The following NRXN3 variants were observed in gnomAD, a reference collection of about 807,000 sequenced individuals.
The protein encoded by NRXN3 is neurexin 3, also known as neurexin III.
NRXN3 carries 32 observed loss-of-function variants against 137.6 expected under a neutral mutation model. The observed-to-expected ratio is 0.23, with a 90% CI of 0.18 to 0.31. The LOEUF is 0.31. Ranked by LOEUF, NRXN3 falls within the 10% of genes least tolerant of loss-of-function variation. The probability of loss-of-function intolerance (pLI) is 1.00; values close to 1 mark genes in which losing one functional copy is unlikely to be tolerated. For synonymous variants in NRXN3, 798 were observed against 784.5 expected (o/e 1.02, Z -0.29); for missense variants, 1,574 against 2,062.5 (o/e 0.76, Z 4.59).
intron 4 of NRXN3, among the ~76,000 whole-genome samples, chr14:78,508,548 G>GT (rs1414763835): frequency 6.6e-6 from 1 of 152,100 alleles, no homozygotes; most frequent in Non-Finnish European, 1.5e-5. Flanking sequence ...ATGCTAGAAA[G>GT]TAAGTAAAGA....
intron 15 of NRXN3, among the ~76,000 whole-genome samples, chr14:79,007,095 C>T (rs961280278): frequency 3.3e-5 from 5 of 152,142 alleles, no homozygotes; most frequent in Admixed American, 6.6e-5. Flanking sequence ...AACACACTCA[C>T]GTAACAGAAG....
intron 15 of NRXN3, among the ~76,000 whole-genome samples, chr14:79,413,374 G>C (rs1371984750): frequency 1.3e-5 from 2 of 152,126 alleles, no homozygotes; most frequent in African/African-American, 4.8e-5. Flanking sequence ...CTGTTTGGTT[G>C]TATTCTTTAT....
At chr14:78,759,978 C>T (rs1417013136) in intron 8 of NRXN3, among the ~76,000 whole-genome samples, 3 of 149,776 alleles carry the variant, frequency 2.0e-5, no homozygotes, top group Admixed American at 6.6e-5. Flanking sequence ...AGTTAAGTAG[C>T]TTGTGCAAAA....
chr14:78,632,947 A>G (rs909581671), intron 4 of NRXN3, among the ~76,000 whole-genome samples: 2 of 152,062 alleles, frequency 1.3e-5, no homozygotes, highest in Non-Finnish European at 2.9e-5. Context: ...AAAGACTGGT[A>G]ATAGTCGGCT....
chr14:79,527,883 A>G (rs901760286), intron 16 of NRXN3, among the ~76,000 whole-genome samples: 7 of 150,608 alleles, frequency 4.6e-5, no homozygotes, highest in Admixed American at 2.0e-4. Flanking sequence ...AAAAAAAAAA[A>G]AAAAAAAGAA....
chr14:79,281,860 C>T (rs560264312), intron 15 of NRXN3: 3 of 152,386 alleles, frequency 2.0e-5, no homozygotes, highest in Non-Finnish European at 4.4e-5. Flanking sequence ...GTTGATTCTT[C>T]CTGCTGCCTC....
At chr14:78,455,348 G>A (rs1415020495) in intron 4 of NRXN3, among the ~76,000 whole-genome samples, 1 of 152,184 alleles carries the variant, frequency 6.6e-6, no homozygotes, top group Non-Finnish European at 1.5e-5. Flanking sequence ...GGAGAGGGAG[G>A]AGAAGACTCA....
At chr14:79,333,686 C>A (rs1271140180) in intron 15 of NRXN3, among the ~76,000 whole-genome samples, 1 of 152,148 alleles carries the variant, frequency 6.6e-6, no homozygotes, top group African/African-American at 2.4e-5. Flanking sequence ...TTTTGTTCAA[C>A]TTTTGCTTCT....
chr14:79,486,765 C>T (rs1359041711), intron 16 of NRXN3, among the ~76,000 whole-genome samples: 1 of 152,150 alleles, frequency 6.6e-6, no homozygotes, highest in Non-Finnish European at 1.5e-5. Flanking sequence ...TAGCTGGAAT[C>T]TCAGGAAAAT....
intron 15 of NRXN3, among the ~76,000 whole-genome samples, chr14:79,213,625 T>G (rs565698679): frequency 0.018 from 2,525 of 138,116 alleles, 73 homozygotes; most frequent in African/African-American, 0.061. Context: ...CCTTTTTTTT[T>G]GGGGGGGGGT....
rs1339605392 is a variant in NRXN3 at position 78,606,548 on chromosome 14, G to A, written c.758-38572G>A. ...ACATTGTATTTAAATAAACACTTAC[G>A]GTCTCTCCCGCTAGGCTGTGAACTT... On this transcript the variant is annotated intron_variant, in intron 4 of 20. Transcript: ENST00000335750. Among the ~76,000 whole-genome samples the A allele has an allele frequency of 2.0e-5, 3 of 152,132 alleles. No homozygotes were observed. The East Asian group carries it at 5.8e-4, about 29-fold the overall frequency.
rs574119107 is a variant in NRXN3, at chr14:78,532,096, G to T, written c.758-113024G>T. 2.0e-5 allele frequency among the ~76,000 whole-genome samples: 3 copies of T among 147,626 alleles called. No homozygotes were observed. In the East Asian group the frequency reaches 6.0e-4, roughly 29 times the overall value. On this transcript the variant is annotated intron_variant, in intron 4 of 20. Coordinates refer to ENST00000335750, the MANE Select transcript of NRXN3 (RefSeq NM_001330195.2). ...GAGGTAGGTGGATCACCTGAGGTTG[G>T]AAGTTCAAGACTAGCCTGACCAACA...
In NRXN3 at chr14:78,383,647, T is replaced by G. The variant is rs2089503444; in HGVS notation, c.757+85787T>G. ...TAAAACTGCATAAGATACATGAACTTAAGCGTCTTTAGTTTTTTTGAGTTC... is the reference window on the plus strand; with the variant it reads ...TAAAACTGCATAAGATACATGAACTGAAGCGTCTTTAGTTTTTTTGAGTTC... On this transcript the variant is annotated intron_variant, in intron 4 of 20. Coordinates refer to ENST00000335750, the MANE Select transcript of NRXN3 (RefSeq NM_001330195.2). Among the ~76,000 whole-genome samples the G allele has an allele frequency of 2.0e-5, 3 of 152,324 alleles. No individual in the cohort carries two copies. In the South Asian group the frequency reaches 6.2e-4, roughly 32 times the overall value.
chr14:79,622,886 G>A (rs1052875933), intron 16 of NRXN3, among the ~76,000 whole-genome samples: 9 of 152,134 alleles, frequency 5.9e-5, no homozygotes, highest in Non-Finnish European at 7.4e-5. Flanking sequence ...GTGAGCCACC[G>A]CACCCGGCCT....
rs539917523 is a variant in NRXN3 at position 79,185,627 on chromosome 14, G to A, written c.3262+197486G>A. Among the ~76,000 whole-genome samples the A allele has an allele frequency of 1.1e-4, 16 of 151,920 alleles. No individual in the cohort carries two copies. In the East Asian group the frequency reaches 1.7e-3, roughly 17 times the overall value. On this transcript the variant is annotated intron_variant, in intron 15 of 20. Coordinates refer to ENST00000335750, the MANE Select transcript of NRXN3 (RefSeq NM_001330195.2). The stretch of plus-strand genomic sequence containing the variant: ...ACTACAGGCGCCCGCCACCACGCCC[G>A]GCTAATTTTTTGTATTTTTAGTAGA...
rs147275177 is a variant in NRXN3, at chr14:79,697,049, C to T, written c.3707-581C>T. ...CAATGAAGATTTATAGGAAATGATACGTTTGGTGACTAGAAATGATACGTT... is the reference window on the plus strand; with the variant it reads ...CAATGAAGATTTATAGGAAATGATATGTTTGGTGACTAGAAATGATACGTT... On this transcript the variant is annotated intron_variant, in intron 18 of 20. Transcript: ENST00000335750. Among the ~76,000 whole-genome samples the T allele has an allele frequency of 8.6e-5, 13 of 151,890 alleles. 1 individual carries two copies. The highest frequency in any genetic ancestry group is 4.1e-4 in the South Asian group (2 of 4,822).
chr14:78,517,197 T>C (rs1251727335), intron 4 of NRXN3, among the ~76,000 whole-genome samples: 6 of 152,192 alleles, frequency 3.9e-5, no homozygotes, highest in African/African-American at 1.4e-4. Context: ...TAGAAATGTA[T>C]AAATCAGTGT....
At chr14:78,195,629 C>T (rs780246111) in intron 1 of NRXN3, among the ~76,000 whole-genome samples, 5 of 152,090 alleles carry the variant, frequency 3.3e-5, no homozygotes, top group African/African-American at 4.8e-5. Flanking sequence ...GCGAGAGCAA[C>T]GGAAGAGCTG....
At chr14:78,953,941 T>G (rs1380556589) in intron 10 of NRXN3, among the ~76,000 whole-genome samples, 1 of 152,218 alleles carries the variant, frequency 6.6e-6, no homozygotes, top group Admixed American at 6.5e-5. Flanking sequence ...CAGTGTTTTC[T>G]TCTTTTTGTC....
Sources: gnomAD v4.1 joint callset for allele counts (sites outside exome capture counted in the v4.1 genomes callset) on GRCh38, gnomAD v4.1.1 for gene constraint, MANE v1.5 for transcripts, NCBI Gene and HGNC (gene_info 2026-07-23, HGNC 2026-07-21) for gene names.